Variants in GSDMC observed in about 807,000 individuals in gnomAD.
GSDMC encodes gasdermin C.
Under a neutral mutation model 58.0 loss-of-function variants are expected in GSDMC, and 59 were observed. The observed-to-expected ratio is 1.02, with a 90% CI of 0.82 to 1.26. The LOEUF (loss-of-function observed/expected upper bound fraction) is 1.26. Ranked by LOEUF, GSDMC falls within the 50% of genes most tolerant of loss-of-function variation. The pLI is 0.00. For missense variants in GSDMC, 659 were observed against 598.5 expected (o/e 1.10, Z -1.06); for synonymous variants, 241 against 220.2 (o/e 1.09, Z -0.83).
chr8:129,735,650 T>A, the GSDMC span, among the ~76,000 whole-genome samples: 1 of 152,202 alleles, frequency 6.6e-6, no homozygotes, highest in East Asian at 1.9e-4. Flanking sequence ...GGGACACATT[T>A]AAAGCAGTGT....
the GSDMC span, among the ~76,000 whole-genome samples, chr8:129,730,770 T>G: frequency 6.6e-6 from 1 of 152,172 alleles, no homozygotes; most frequent in African/African-American, 2.4e-5. Context: ...TTTACCGTGG[T>G]GTGAAAGAGG....
chr8:129,750,454 C>A lies in GSDMC; in HGVS notation c.1060G>T (p.Ala354Ser). ...ACCATGTTCATCAGGTCCTGTAGAG[C>A]CCCTCTGTCTCTGAGCATGGCCAGG... Reference protein sequence around the residue: ...SILAMLRDRGALQDLMNMLEL... With the variant: ...SILAMLRDRGSLQDLMNMLEL... Residue 354 changes from alanine (A) to serine (S), a missense_variant, in exon 11 of 14, where the codon GCT becomes TCT. Physicochemically the swap from Ala to Ser is moderately conservative, Grantham distance 99 (BLOSUM62 1). Coordinates refer to ENST00000276708, the MANE Select transcript of GSDMC (RefSeq NM_031415.3). 6.2e-7 allele frequency: 1 copy of A among 1,613,998 alleles called. No homozygotes were observed. The highest frequency in any genetic ancestry group is 8.5e-7 in the Non-Finnish European group (1 of 1,179,890).
At chr8:129,753,431 C>T (rs1420180100) in intron 6 of GSDMC, among the ~76,000 whole-genome samples, 5 of 152,198 alleles carry the variant, frequency 3.3e-5, no homozygotes, top group African/African-American at 1.2e-4. Context: ...GGGAAGAACA[C>T]AGTCCTGGCA....
intron 3 of GSDMC, among the ~76,000 whole-genome samples, chr8:129,769,319 C>A (rs1409238180): frequency 1.3e-5 from 2 of 151,992 alleles, no homozygotes; most frequent in Non-Finnish European, 2.9e-5. Flanking sequence ...ATCTAAGAGA[C>A]AATCGCAAAT....
Position 129,776,220 on chromosome 8 carries a change from C to G in GSDMC, c.286G>C (p.Gly96Arg), listed in dbSNP as rs79403769. ...CTCACTTCTATACCAACATTCACAC[C>G]CATGTCAGCCTTATGCTTCTGGATC... Reference protein sequence around the residue: ...IMIQKHKADMGVNVGIEVSVS... With the variant: ...IMIQKHKADMRVNVGIEVSVS... The change falls in exon 3 of 14, where the codon GGT becomes CGT. Residue 96 changes from glycine to arginine, a missense_variant. Coordinates refer to ENST00000276708, the MANE Select transcript of GSDMC (RefSeq NM_031415.3). The G allele has an allele frequency of 1.2e-6, 2 of 1,613,780 alleles. No individual in the cohort carries two copies. Among genetic ancestry groups the G allele is most frequent in the East Asian group, 4.5e-5 (2 of 44,884 alleles).
intron 2 of GSDMC, 137 bp from the exon 3 acceptor site, chr8:129,776,422 T>A: frequency 1.7e-6 from 1 of 586,432 alleles, no homozygotes; most frequent in Admixed American, 3.3e-5. Flanking sequence ...ACTTAAACTC[T>A]GTTGAAAACT....
chr8:129,726,614 G>C, the GSDMC span, among the ~76,000 whole-genome samples: 1 of 152,096 alleles, frequency 6.6e-6, no homozygotes, highest in Admixed American at 6.5e-5. Flanking sequence ...TTACCTCCAA[G>C]GTATTCCTGG....
intron 1 of GSDMC, among the ~76,000 whole-genome samples, chr8:129,784,290 A>G (rs894973700): frequency 1.3e-5 from 2 of 152,188 alleles, no homozygotes; most frequent in African/African-American, 4.8e-5. Flanking sequence ...GAAAAGATCA[A>G]CAACAGAAAA....
chr8:129,720,965 T>C, the GSDMC span, among the ~76,000 whole-genome samples: 6 of 152,168 alleles, frequency 3.9e-5, no homozygotes, highest in African/African-American at 1.4e-4. Context: ...GCAGAGAAGA[T>C]GGGCTGGAAG....
chr8:129,705,494 AG>A, the GSDMC span: 1 of 152,740 alleles, frequency 6.5e-6, no homozygotes, highest in Non-Finnish European at 1.5e-5. Context: ...GGGAGGCCTC[AG>A]GAAACTTACA....
intron 10 of GSDMC, 137 bp downstream of exon 10, chr8:129,751,405 G>T: frequency 1.4e-6 from 1 of 693,038 alleles, no homozygotes; most frequent in Non-Finnish European, 2.5e-6. Flanking sequence ...CTCAATAAAT[G>T]TTTGTTTGTT....
the GSDMC span, among the ~76,000 whole-genome samples, chr8:129,740,259 T>C: frequency 6.6e-6 from 1 of 152,164 alleles, no homozygotes; most frequent in Non-Finnish European, 1.5e-5. Flanking sequence ...ATATTTTTTG[T>C]AAGTTTAGTG....
At chr8:129,765,580 T>C in intron 4 of GSDMC, 48 bp downstream of exon 4, 1 of 1,388,016 alleles carries the variant, frequency 7.2e-7, no homozygotes, top group Non-Finnish European at 1.0e-6. Flanking sequence ...CTGCCAGGAC[T>C]GGCTGTATTT....
chr8:129,714,072 C>T, the GSDMC span, among the ~76,000 whole-genome samples: 3 of 152,326 alleles, frequency 2.0e-5, no homozygotes, highest in African/African-American at 7.2e-5. Context: ...GAGAAAAACC[C>T]GGGATGCTGC....
chr8:129,749,548 G>A, intron 12 of GSDMC, 23 bp from the exon 13 acceptor site: 2 of 1,587,244 alleles, frequency 1.3e-6, no homozygotes. Flanking sequence ...GACATGTGGG[G>A]AAAGACAGTA....
the GSDMC span, among the ~76,000 whole-genome samples, chr8:129,731,099 C>T: frequency 6.6e-6 from 1 of 151,978 alleles, no homozygotes; most frequent in African/African-American, 2.4e-5. Flanking sequence ...GAAACCATAC[C>T]ATTAACTTGA....
intron 13 of GSDMC, 107 bp from the exon 14 acceptor site, chr8:129,748,847 C>G (rs747642834): frequency 4.2e-5 from 37 of 880,354 alleles, no homozygotes; most frequent in Non-Finnish European, 5.5e-5. Flanking sequence ...GGAGCAAGAG[C>G]TTTGGGATCC....
chr8:129,775,460 T>A (rs940154424), intron 3 of GSDMC, among the ~76,000 whole-genome samples: 1 of 152,168 alleles, frequency 6.6e-6, no homozygotes, highest in East Asian at 1.9e-4. Context: ...TAATTAACAA[T>A]ACTACATTGT....
intron 3 of GSDMC, among the ~76,000 whole-genome samples, chr8:129,774,457 T>C (rs1028510329): frequency 3.4e-5 from 5 of 148,748 alleles, no homozygotes; most frequent in African/African-American, 9.9e-5. Context: ...TAGAAGAAAA[T>C]ACAGGGGGAA....
Sources: gnomAD v4.1 joint callset for allele counts (sites outside exome capture counted in the v4.1 genomes callset) on GRCh38, gnomAD v4.1.1 for gene constraint, MANE v1.5 for transcripts, NCBI Gene and HGNC (gene_info 2026-07-23, HGNC 2026-07-21) for gene names.